Variants in CDH13 observed in about 807,000 individuals in gnomAD.
CDH13 encodes the protein cadherin-13.
A neutral mutation model predicts 63.8 loss-of-function variants in CDH13; 24 were observed. The observed-to-expected ratio is 0.38, with a 90% CI of 0.27 to 0.53. The LOEUF is 0.53. Among genes scored for constraint, CDH13 ranks in the 20% least tolerant of loss-of-function variants. CDH13 has a pLI of 0.85. For synonymous variants in CDH13, 503 were observed against 355.3 expected, an observed-to-expected ratio of 1.42 and a Z score of -4.67; for missense variants, 1,049 against 903.1, an observed-to-expected ratio of 1.16 and a Z score of -2.07.
intron 3 of CDH13, among the ~76,000 whole-genome samples, chr16:83,120,762 T>C (rs2035531329): frequency 2.1e-5 from 1 of 47,230 alleles, no homozygotes; most frequent in South Asian, 1.0e-3. Context: ...TAATTTTCTT[T>C]CTTTTTTTTT....
chr16:83,108,740 G>A (rs1031211028), intron 3 of CDH13, among the ~76,000 whole-genome samples: 2 of 152,130 alleles, frequency 1.3e-5, no homozygotes, highest in Non-Finnish European at 2.9e-5. Flanking sequence ...CTTAGGCTTT[G>A]CAGTTAGAAC....
In CDH13 at chr16:83,661,479, TC is replaced by T. The variant is rs1196518853; in HGVS notation, c.1102-9310del. Among the ~76,000 whole-genome samples, 13 of 134,106 alleles carry T rather than the reference TC, an allele frequency of 9.7e-5. No individual in the cohort carries two copies. In the South Asian group the frequency reaches 3.2e-3, roughly 33 times the overall value. 88.0% of individuals were successfully genotyped at this position (134,106 alleles called of 152,430 possible). On this transcript the variant is annotated intron_variant, in intron 8 of 13. Coordinates refer to ENST00000567109, the MANE Select transcript of CDH13 (RefSeq NM_001257.5). ...GCCTGGGTGACAGAGCGAGACCCTG[TC>T]TCAAAAAAAAAAAAAAAAAATCTTG... is the stretch of plus-strand genomic sequence containing the variant.
At chr16:83,741,965 C>T (rs3784978) in intron 10 of CDH13, among the ~76,000 whole-genome samples, 1 of 152,180 alleles carries the variant, frequency 6.6e-6, no homozygotes, top group Non-Finnish European at 1.5e-5. Flanking sequence ...CATCCCCCAC[C>T]TGTTCATGGA....
At position 82,798,328 on chromosome 16, in the gene CDH13, G is replaced by C. The variant is rs116255696; in HGVS notation, c.46-60034G>C. On this transcript the variant is annotated intron_variant, in intron 1 of 13. Coordinates refer to ENST00000567109, the MANE Select transcript of CDH13 (RefSeq NM_001257.5). ...CTAATATTAGAACTCAGGTCTGTCT[G>C]ATTTCAGAGCTCTTTCCACACTACC... is the stretch of plus-strand genomic sequence containing the variant. 3.3e-3 allele frequency among the ~76,000 whole-genome samples: 509 copies of C among 152,312 alleles called. 3 individuals carry two copies. Among genetic ancestry groups the C allele is most frequent in the African/African-American group, 0.011 (456 of 41,574 alleles).
intron 4 of CDH13, among the ~76,000 whole-genome samples, chr16:83,131,474 C>A (rs112517424): frequency 3.7e-4 from 56 of 152,208 alleles, no homozygotes; most frequent in African/African-American, 1.2e-3. Context: ...TTTCCCCTCC[C>A]CCTTCAAAGT....
chr16:82,696,418 A>G (rs1160083646), intron 1 of CDH13, among the ~76,000 whole-genome samples: 2 of 152,344 alleles, frequency 1.3e-5, no homozygotes, highest in East Asian at 3.9e-4. Context: ...CAATGGGAAC[A>G]CCGTTGTTTT....
At chr16:83,687,514 G>A (rs750454572) in intron 10 of CDH13, among the ~76,000 whole-genome samples, 1 of 152,090 alleles carries the variant, frequency 6.6e-6, no homozygotes, top group Non-Finnish European at 1.5e-5. Context: ...CACCAAGGAG[G>A]GATTGCGTTA....
intron 5 of CDH13, among the ~76,000 whole-genome samples, chr16:83,290,988 C>T (rs1213574761): frequency 1.3e-5 from 2 of 152,154 alleles, no homozygotes; most frequent in Admixed American, 1.3e-4. Flanking sequence ...GCTAATCCAT[C>T]CTGTCTTTTG....
chr16:83,007,468 A>G (rs1028837232), intron 2 of CDH13, among the ~76,000 whole-genome samples: 6 of 152,302 alleles, frequency 3.9e-5, no homozygotes, highest in African/African-American at 1.2e-4. Context: ...CTGATTCCAG[A>G]GTTCTTGCTC....
rs117593099 is a variant in CDH13 at position 83,406,058 on chromosome 16, C to G, written c.781+61052C>G. On this transcript the variant is annotated intron_variant, in intron 6 of 13. Transcript: ENST00000567109. ...CCGCTTTTCCAGGACCAAGAAAATT[C>G]TTTGCCAGCACATAGTAGCCCCAAA... 4.8e-3 allele frequency among the ~76,000 whole-genome samples: 735 copies of G among 152,260 alleles called. 3 individuals are homozygous for G. Among genetic ancestry groups the G allele is most frequent in the South Asian group, 1.0e-2 (48 of 4,820 alleles).
At chr16:83,217,633 C>G (rs541566813) in intron 5 of CDH13, 136 bp downstream of exon 5, 2 of 864,124 alleles carry the variant, frequency 2.3e-6, no homozygotes, top group Admixed American at 5.3e-5. Context: ...TCTGTGGGAG[C>G]TGAAGTGGAT....
At chr16:83,071,959 G>T (rs1385359078) in intron 3 of CDH13, among the ~76,000 whole-genome samples, 1 of 151,998 alleles carries the variant, frequency 6.6e-6, no homozygotes, top group Non-Finnish European at 1.5e-5. Context: ...TAACGTCAAA[G>T]AGACATATAA....
chr16:83,456,909 C>T (rs2073038866), intron 6 of CDH13, among the ~76,000 whole-genome samples: 1 of 152,184 alleles, frequency 6.6e-6, no homozygotes, highest in African/African-American at 2.4e-5. Context: ...TTGCAGTGAG[C>T]TGAGAAGATG....
chr16:83,542,367 C>T (rs990158305), intron 7 of CDH13, among the ~76,000 whole-genome samples: 4 of 152,158 alleles, frequency 2.6e-5, no homozygotes, highest in Admixed American at 6.5e-5. Context: ...CACTAGCCTG[C>T]GGCAGAATCC....
intron 10 of CDH13, among the ~76,000 whole-genome samples, chr16:83,714,430 C>T (rs1454315743): frequency 1.3e-5 from 2 of 152,110 alleles, no homozygotes; most frequent in African/African-American, 2.4e-5. Flanking sequence ...GCTATGCTGC[C>T]CCAGTGAGCT....
intron 8 of CDH13, among the ~76,000 whole-genome samples, chr16:83,630,226 A>G (rs1011680967): frequency 2.6e-5 from 4 of 152,192 alleles, no homozygotes; most frequent in African/African-American, 9.7e-5. Flanking sequence ...AGATAAGTGG[A>G]CCTGCTTTGT....
intron 7 of CDH13, among the ~76,000 whole-genome samples, chr16:83,579,144 T>C (rs545444352): frequency 3.3e-5 from 5 of 152,320 alleles, no homozygotes; most frequent in African/African-American, 1.2e-4. Context: ...AGCAGGGCTG[T>C]ACCTACTGTG....
intron 1 of CDH13, among the ~76,000 whole-genome samples, chr16:82,702,600 A>G (rs750523804): frequency 2.0e-5 from 3 of 151,608 alleles, no homozygotes; most frequent in Non-Finnish European, 4.4e-5. Flanking sequence ...CTAAGAATCA[A>G]TAAAACTTCC....
chr16:83,346,023 A>T (rs1034276756), intron 6 of CDH13, among the ~76,000 whole-genome samples: 1 of 152,180 alleles, frequency 6.6e-6, no homozygotes, highest in African/African-American at 2.4e-5. Flanking sequence ...GGATAATTGT[A>T]TGCAAGATGC....
Sources: gnomAD v4.1 joint callset for allele counts (sites outside exome capture counted in the v4.1 genomes callset) on GRCh38, gnomAD v4.1.1 for gene constraint, MANE v1.5 for transcripts, NCBI Gene and HGNC (gene_info 2026-07-23, HGNC 2026-07-21) for gene names.